Variants in ANO3 observed in about 807,000 individuals in gnomAD.
ANO3 encodes anoctamin-3.
ANO3 carries 99 observed loss-of-function variants against 144.8 expected under a neutral mutation model. The observed-to-expected ratio is 0.68, with a 90% CI of 0.58 to 0.81. The LOEUF is 0.81. Among genes scored for constraint, ANO3 ranks in the 30% least tolerant of loss-of-function variants. The pLI is 0.00. For missense variants in ANO3, 905 were observed against 1,202.2 expected (o/e 0.75, Z 3.66); for synonymous variants, 414 against 392.6 (o/e 1.05, Z -0.64).
At chr11:26,435,977 G>T (rs1466526095) in intron 1 of ANO3, among the ~76,000 whole-genome samples, 1 of 152,182 alleles carries the variant, frequency 6.6e-6, no homozygotes, top group Non-Finnish European at 1.5e-5. Context: ...CACTTGAGTT[G>T]CTAGAGTTCT....
chr11:26,325,553 GTCA>G (rs1215431681), intron 1 of ANO3, among the ~76,000 whole-genome samples: 1 of 152,120 alleles, frequency 6.6e-6, no homozygotes, highest in Non-Finnish European at 1.5e-5. Flanking sequence ...ATGGTTTCAA[GTCA>G]TCAATATTTA....
At chr11:26,551,600 T>C (rs1849934910) in intron 12 of ANO3, among the ~76,000 whole-genome samples, 1 of 151,994 alleles carries the variant, frequency 6.6e-6, no homozygotes, top group African/African-American at 2.4e-5. Flanking sequence ...TTGACTCCAT[T>C]TGGAAATTGA....
At chr11:26,334,155 C>T (rs1855134155) in intron 1 of ANO3, among the ~76,000 whole-genome samples, 1 of 152,156 alleles carries the variant, frequency 6.6e-6, no homozygotes, top group Non-Finnish European at 1.5e-5. Flanking sequence ...CTTTATGATG[C>T]ATTATGAGCC....
chr11:26,512,454 A>T (rs978371959), intron 5 of ANO3, among the ~76,000 whole-genome samples: 1 of 152,174 alleles, frequency 6.6e-6, no homozygotes, highest in Non-Finnish European at 1.5e-5. Context: ...CCCTGACAGC[A>T]TCATCCCCGC....
rs772782881 is a variant in ANO3, at chr11:26,547,447, T to A, written c.1186T>A (p.Phe396Ile). The A allele has an allele frequency of 6.2e-7, 1 of 1,612,078 alleles. No homozygotes were observed. Among genetic ancestry groups the A allele is most frequent in the Non-Finnish European group, 8.5e-7 (1 of 1,178,574 alleles). ...CTTTGGTGAGAAGATTGGACTATAC[T>A]TTGCTTGGCTGGGATGGTATACTGG... ...LYFGEKIGLY[F>I]AWLGWYTGML... Residue 396 changes from phenylalanine (F) to isoleucine (I), a missense_variant, in exon 12 of 27, where the codon TTT becomes ATT. Phe to Ile is a conservative substitution (Grantham distance 21). Around this residue, in one of 4 missense-constraint regions of ANO3, gnomAD observed 597 missense variants for 865.1 expected, o/e 0.69. Coordinates refer to ENST00000256737, the MANE Select transcript of ANO3 (RefSeq NM_031418.4).
intron 11 of ANO3, among the ~76,000 whole-genome samples, chr11:26,543,982 G>C (rs1849711783): frequency 6.6e-6 from 1 of 151,604 alleles, no homozygotes; most frequent in African/African-American, 2.4e-5. Context: ...TTATTTCTTA[G>C]TCTGATGATC....
intron 11 of ANO3, among the ~76,000 whole-genome samples, chr11:26,546,810 T>C (rs141047692): frequency 1.3e-5 from 2 of 152,140 alleles, no homozygotes; most frequent in African/African-American, 4.8e-5. Flanking sequence ...TTTTAGCAGC[T>C]TACAATCGTA....
intron 1 of ANO3, among the ~76,000 whole-genome samples, chr11:26,192,449 A>C (rs1204908860): frequency 6.6e-6 from 1 of 152,202 alleles, no homozygotes; most frequent in African/African-American, 2.4e-5. Flanking sequence ...AGGGGAAAAT[A>C]AAATATAACT....
chr11:26,208,260 C>CCAG (rs1328188128), intron 1 of ANO3: 1 of 152,362 alleles, frequency 6.6e-6, no homozygotes, highest in East Asian at 1.9e-4. Flanking sequence ...ACCTGTAATC[C>CCAG]CAGCACTTTG....
At position 26,274,963 on chromosome 11, in the gene ANO3, AT is replaced by A. The variant is rs1240322519; in HGVS notation, c.155-34676del. Reference sequence around the variant, plus strand: ...TTTTATCTTAAACAAATATATATTAATTTTTTATTTATAAAATACTAATTTC... The same window carrying A: ...TTTTATCTTAAACAAATATATATTAATTTTTATTTATAAAATACTAATTTC... On this transcript the variant is annotated intron_variant, in intron 1 of 27. Coordinates refer to the ANO3 transcript ENST00000672621. 2.0e-5 allele frequency among the ~76,000 whole-genome samples: 3 copies of A among 151,962 alleles called. No individual in the cohort carries two copies. The South Asian group carries it at 6.2e-4, about 31-fold the overall frequency.
intron 1 of ANO3, among the ~76,000 whole-genome samples, chr11:26,383,306 T>C (rs1856636850): frequency 6.6e-6 from 1 of 152,138 alleles, no homozygotes; most frequent in Admixed American, 6.6e-5. Flanking sequence ...TTAACCAATA[T>C]CTACTAATAT....
chr11:26,412,795 AGTGTGTGT>A (rs60855252), intron 1 of ANO3, among the ~76,000 whole-genome samples: 10 of 140,126 alleles, frequency 7.1e-5, no homozygotes, highest in African/African-American at 1.6e-4. Flanking sequence ...GAGAAAGGAA[AGTGTGTGT>A]GTGTGTGTGT....
intron 1 of ANO3, among the ~76,000 whole-genome samples, chr11:26,418,769 A>G (rs991045093): frequency 3.9e-5 from 6 of 151,990 alleles, no homozygotes; most frequent in Admixed American, 6.6e-5. Context: ...TCAAGCTTAT[A>G]TATAAAATAC....
At position 26,563,236 on chromosome 11, in the gene ANO3, C is replaced by A. The variant is rs779786873; in HGVS notation, c.1447+3457C>A. On this transcript the variant is annotated intron_variant, in intron 14 of 26. Transcript: ENST00000256737. ...ACACCCAGAATAGCACCTAAAATGG[C>A]CCCGAATACTATTCCTGTATTTCTA... is the stretch of plus-strand genomic sequence containing the variant. 3 of 1,607,550 alleles carry A rather than the reference C, an allele frequency of 1.9e-6. No individual in the cohort carries two copies. The highest frequency in any genetic ancestry group is 2.6e-6 in the Non-Finnish European group (3 of 1,176,388).
intron 1 of ANO3, among the ~76,000 whole-genome samples, chr11:26,189,941 T>C (rs1851443495): frequency 6.6e-6 from 1 of 152,166 alleles, no homozygotes; most frequent in Non-Finnish European, 1.5e-5. Flanking sequence ...GGAACAATAC[T>C]ATACACTAAT....
chr11:26,360,744 C>T (rs1252287233), intron 1 of ANO3, among the ~76,000 whole-genome samples: 1 of 152,138 alleles, frequency 6.6e-6, no homozygotes, highest in Non-Finnish European at 1.5e-5. Context: ...TGTCAATTTT[C>T]TTTGTTACCT....
At chr11:26,373,249 A>G (rs1856313003) in intron 1 of ANO3, among the ~76,000 whole-genome samples, 2 of 152,134 alleles carry the variant, frequency 1.3e-5, no homozygotes, top group Non-Finnish European at 2.9e-5. Flanking sequence ...TAATCCCTAC[A>G]TGTCGAGGGA....
At chr11:26,339,247 C>T (rs999368552) in intron 1 of ANO3, among the ~76,000 whole-genome samples, 1 of 151,852 alleles carries the variant, frequency 6.6e-6, no homozygotes, top group East Asian at 1.9e-4. Flanking sequence ...CTCTGCCTCC[C>T]GAGTTCAAGC....
chr11:26,485,982 A>G (rs547438329), intron 4 of ANO3, among the ~76,000 whole-genome samples: 2 of 152,318 alleles, frequency 1.3e-5, no homozygotes, highest in Admixed American at 1.3e-4. Flanking sequence ...AAAGGAACTC[A>G]AACAAGTCAA....
Sources: gnomAD v4.1 joint callset for allele counts (sites outside exome capture counted in the v4.1 genomes callset) on GRCh38, gnomAD v4.1.1 for gene constraint, gnomAD v4.1.1 regional missense constraint, MANE v1.5 for transcripts, NCBI Gene and HGNC (gene_info 2026-07-23, HGNC 2026-07-21) for gene names.